Variants in ADAMTS6 observed in about 807,000 individuals in gnomAD.
ADAMTS6 encodes A disintegrin and metalloproteinase with thrombospondin motifs 6.
In ADAMTS6, 23 loss-of-function variants were observed where a neutral mutation model predicts 144.3. The observed-to-expected ratio is 0.16, with a 90% CI of 0.11 to 0.23. The LOEUF (loss-of-function observed/expected upper bound fraction) is 0.23, where lower values mean the gene tolerates loss of function less well. ADAMTS6 is among the 10% of genes least tolerant of loss of function. ADAMTS6 has a pLI of 1.00. For missense variants in ADAMTS6, 999 were observed against 1,379.6 expected (o/e 0.72, Z 4.37); for synonymous variants, 444 against 457.5 (o/e 0.97, Z 0.38).
In ADAMTS6 at chr5:65,451,515, T is replaced by C. The variant is rs1758737762; in HGVS notation, c.1033A>G (p.Asn345Asp). 1.2e-6 allele frequency: 2 copies of C among 1,613,844 alleles called. No individual in the cohort carries two copies. Among genetic ancestry groups the C allele is most frequent in the Non-Finnish European group, 1.7e-6 (2 of 1,179,862 alleles). ...HQSDGNTIPE[N>D]GIAHHDNAVL... ...GCATTATCGTGGTGGGCAATCCCAT[T>C]TTCTGGAATGGTGTTTCCATCACTT... The change falls in exon 7 of 25, where the codon AAT becomes GAT. Residue 345 changes from asparagine to aspartate, a missense_variant. Asn to Asp is a conservative substitution (Grantham distance 23). Around this residue, in one of 3 missense-constraint regions of ADAMTS6, gnomAD observed 128 missense variants for 249.0 expected, o/e 0.51. Coordinates refer to ENST00000381055, the MANE Select transcript of ADAMTS6 (RefSeq NM_197941.4).
At chr5:65,467,334 A>G (rs1760107542) in intron 3 of ADAMTS6, among the ~76,000 whole-genome samples, 2 of 151,980 alleles carry the variant, frequency 1.3e-5, no homozygotes, top group African/African-American at 4.8e-5. Context: ...GGTCTTTATT[A>G]AAAGCACCCA....
intron 7 of ADAMTS6, among the ~76,000 whole-genome samples, chr5:65,337,784 T>C (rs551000951): frequency 2.0e-5 from 3 of 152,318 alleles, no homozygotes; most frequent in African/African-American, 4.8e-5. Flanking sequence ...TCTGCCATAC[T>C]GTGGGTTTAC....
intron 7 of ADAMTS6, among the ~76,000 whole-genome samples, chr5:65,436,702 A>AAACAAC (rs1757440470): frequency 6.6e-6 from 1 of 151,056 alleles, no homozygotes; most frequent in Non-Finnish European, 1.5e-5. Context: ...CAAAAAACAA[A>AAACAAC]AAACAACTAG....
intron 9 of ADAMTS6, among the ~76,000 whole-genome samples, chr5:65,301,299 A>G (rs1217754156): frequency 4.6e-5 from 7 of 152,330 alleles, no homozygotes; most frequent in East Asian, 3.9e-4. Flanking sequence ...TTGGTTGAAT[A>G]TTACTAAGAA....
chr5:65,332,330 G>C lies in ADAMTS6; in HGVS notation c.1117+1712C>G, dbSNP rs112645727. On this transcript the variant is annotated intron_variant, in intron 8 of 24. Transcript: ENST00000381055. ...ATATATATAGAGAGAGAGAGAGAGA[G>C]AGAGAGAGAGTGTATATGTGCAAAT... is the stretch of plus-strand genomic sequence containing the variant. Among the ~76,000 whole-genome samples, 1,143 of 148,910 alleles carry C rather than the reference G, an allele frequency of 7.7e-3. 12 individuals carry two copies. The highest frequency in any genetic ancestry group is 0.027 in the African/African-American group (1,077 of 40,592).
intron 7 of ADAMTS6, among the ~76,000 whole-genome samples, chr5:65,385,057 G>A (rs1488749269): frequency 6.6e-6 from 1 of 152,088 alleles, no homozygotes; most frequent in Non-Finnish European, 1.5e-5. Context: ...ATTCATGAAG[G>A]CTCTGCCCTC....
At chr5:65,370,612 A>C (rs556313900) in intron 7 of ADAMTS6, among the ~76,000 whole-genome samples, 6 of 152,322 alleles carry the variant, frequency 3.9e-5, no homozygotes, top group South Asian at 2.1e-4. Context: ...CCGCACCTGG[A>C]TCGGAGGGTC....
At chr5:65,274,212 C>G (rs10805396) in intron 11 of ADAMTS6, among the ~76,000 whole-genome samples, 77,651 of 151,660 alleles carry the variant, frequency 0.51, 19,954 homozygotes, top group Admixed American at 0.54. Flanking sequence ...ACTATATTAA[C>G]ATATCAGATT....
intron 4 of ADAMTS6, among the ~76,000 whole-genome samples, chr5:65,458,112 T>C (rs1759363669): frequency 6.6e-6 from 1 of 152,186 alleles, no homozygotes; most frequent in South Asian, 2.1e-4. Context: ...TCCATAATGG[T>C]TCATTTCATT....
chr5:65,253,634 G>C (rs1386537692), intron 14 of ADAMTS6, among the ~76,000 whole-genome samples: 1 of 151,766 alleles, frequency 6.6e-6, no homozygotes, highest in African/African-American at 2.4e-5. Context: ...AATTGGGGTG[G>C]CTCACACATA....
chr5:65,174,488 G>GC (rs555754812), intron 22 of ADAMTS6, among the ~76,000 whole-genome samples: 71 of 152,276 alleles, frequency 4.7e-4, no homozygotes, highest in Middle Eastern at 3.4e-3. Flanking sequence ...CACGTGGCAG[G>GC]CCCCCGTGGA....
chr5:65,476,268 C>T (rs1193308390), intron 1 of ADAMTS6, among the ~76,000 whole-genome samples: 2 of 152,182 alleles, frequency 1.3e-5, no homozygotes, highest in African/African-American at 4.8e-5. Flanking sequence ...TGTAAAGACC[C>T]TAGTCCTTGC....
intron 9 of ADAMTS6, among the ~76,000 whole-genome samples, chr5:65,328,100 C>T (rs1480984076): frequency 6.6e-6 from 1 of 152,066 alleles, no homozygotes; most frequent in Non-Finnish European, 1.5e-5. Context: ...GAGTGTAATA[C>T]TGACTTTTCC....
At chr5:65,200,723 G>GT (rs1019435585) in intron 20 of ADAMTS6, among the ~76,000 whole-genome samples, 1 of 151,822 alleles carries the variant, frequency 6.6e-6, no homozygotes, top group Non-Finnish European at 1.5e-5. Context: ...GTATGTATAT[G>GT]TTTTTTTAAT....
At chr5:65,328,017 G>A (rs570275251) in intron 9 of ADAMTS6, among the ~76,000 whole-genome samples, 1 of 152,066 alleles carries the variant, frequency 6.6e-6, no homozygotes, top group South Asian at 2.1e-4. Flanking sequence ...GTTAAGGGGG[G>A]GCTTTTCCTT....
chr5:65,189,781 C>A (rs556264574), intron 21 of ADAMTS6, among the ~76,000 whole-genome samples: 1 of 152,112 alleles, frequency 6.6e-6, no homozygotes, highest in Admixed American at 6.6e-5. Context: ...GACTGGATTC[C>A]CCATTGATTG....
intron 14 of ADAMTS6, among the ~76,000 whole-genome samples, chr5:65,255,419 C>T (rs762949730): frequency 6.6e-6 from 1 of 152,108 alleles, no homozygotes. Context: ...CACCCTTTCC[C>T]CCAAGCCCTC....
chr5:65,415,500 G>T, intron 7 of ADAMTS6: 1 of 246,908 alleles, frequency 4.1e-6, no homozygotes, highest in South Asian at 4.5e-5. Context: ...AGCTCACAGA[G>T]GCAAGGCCTT....
chr5:65,433,115 A>G (rs73764250), intron 7 of ADAMTS6, among the ~76,000 whole-genome samples: 5,746 of 152,172 alleles, frequency 0.038, 328 homozygotes, highest in African/African-American at 0.13. Flanking sequence ...CCAAATCCCT[A>G]TTCAACTTTC....
Sources: gnomAD v4.1 joint callset for allele counts (sites outside exome capture counted in the v4.1 genomes callset) on GRCh38, gnomAD v4.1.1 for gene constraint, gnomAD v4.1.1 regional missense constraint, MANE v1.5 for transcripts, NCBI Gene and HGNC (gene_info 2026-07-23, HGNC 2026-07-21) for gene names.